DIAPH3: variants seen among roughly 807,000 people sequenced by gnomAD.
DIAPH3 encodes the protein protein diaphanous homolog 3.
In DIAPH3, 117 loss-of-function variants were observed where a neutral mutation model predicts 144.3. The ratio of observed to expected loss-of-function variants is 0.81; its 90% CI spans 0.70 to 0.95. The LOEUF (loss-of-function observed/expected upper bound fraction) is 0.95. DIAPH3 is among the 40% of genes least tolerant of loss of function. The probability of loss-of-function intolerance (pLI) is 0.00; values close to 1 mark genes in which losing one functional copy is unlikely to be tolerated. For synonymous variants in DIAPH3, 519 were observed against 488.9 expected, an observed-to-expected ratio of 1.06 and a Z score of -0.81; for missense variants, 1,421 against 1,412.7, an observed-to-expected ratio of 1.01 and a Z score of -0.09.
chr13:59,669,893 GA>G (rs2032256528), intron 27 of DIAPH3, among the ~76,000 whole-genome samples: 1 of 152,048 alleles, frequency 6.6e-6, no homozygotes, highest in African/African-American at 2.4e-5. Context: ...TTACTCTTCT[GA>G]AACAGTTCTT....
chr13:59,875,637 G>A lies in DIAPH3; in HGVS notation c.2607+3592C>T, dbSNP rs146641962. Among the ~76,000 whole-genome samples, 358 of 152,102 alleles carry A rather than the reference G, an allele frequency of 2.4e-3. 3 individuals are homozygous for A. In the East Asian group the frequency reaches 0.036, roughly 15 times the overall value. ...AAAATTTCTTATGAAGGTTTAATCA[G>A]GGAAAACACTATTTTTGCTCATGAA... On this transcript the variant is annotated intron_variant, in intron 21 of 27. Transcript: ENST00000400324.
chr13:59,894,643 T>C (rs11839838), intron 20 of DIAPH3, among the ~76,000 whole-genome samples: 2,501 of 132,192 alleles, frequency 0.019, 62 homozygotes, highest in East Asian at 0.1. Context: ...AAGAAAAAGA[T>C]TGTCATGAAG....
chr13:59,723,261 T>C (rs748389152), intron 27 of DIAPH3, among the ~76,000 whole-genome samples: 1 of 152,148 alleles, frequency 6.6e-6, no homozygotes, highest in Non-Finnish European at 1.5e-5. Context: ...AGTAGTACAG[T>C]AAGAACTAAG....
chr13:59,814,675 T>C (rs2040669361), intron 24 of DIAPH3, among the ~76,000 whole-genome samples: 3 of 152,210 alleles, frequency 2.0e-5, no homozygotes, highest in African/African-American at 4.8e-5. Context: ...ATAAAGACAA[T>C]TGGCTATAAG....
intron 4 of DIAPH3, among the ~76,000 whole-genome samples, chr13:60,067,402 C>A (rs1313245016): frequency 5.3e-5 from 8 of 152,078 alleles, no homozygotes; most frequent in African/African-American, 1.7e-4. Flanking sequence ...GGTATATATA[C>A]ATATTGGATA....
chr13:59,917,889 CAAAAAAAAAAAAAAAAA>C (rs60792156), intron 18 of DIAPH3, among the ~76,000 whole-genome samples: 2 of 18,642 alleles, frequency 1.1e-4, no homozygotes, highest in South Asian at 6.0e-3. Flanking sequence ...GACTCTGTCT[CAAAAAAAAAAAAAAAAA>C]AAAAAAAAAA....
chr13:59,814,244 T>C lies in DIAPH3; in HGVS notation c.3028-3321A>G, dbSNP rs191460568. On this transcript the variant is annotated intron_variant, in intron 24 of 27. Coordinates refer to ENST00000400324, the MANE Select transcript of DIAPH3 (RefSeq NM_001042517.2). ...TTGCCACACCCTTTTAGCATTCCCATGGGTAATAAAAAGTGAAAATTACTT... is the reference window on the plus strand; with the variant it reads ...TTGCCACACCCTTTTAGCATTCCCACGGGTAATAAAAAGTGAAAATTACTT... 2.3e-3 allele frequency among the ~76,000 whole-genome samples: 350 copies of C among 152,296 alleles called. 1 individual carries two copies. Among genetic ancestry groups the C allele is most frequent in the Admixed American group, 3.8e-3 (58 of 15,292 alleles).
chr13:59,783,053 G>A (rs1156759217), intron 25 of DIAPH3, among the ~76,000 whole-genome samples: 1 of 152,024 alleles, frequency 6.6e-6, no homozygotes, highest in Non-Finnish European at 1.5e-5. Context: ...GAAGTAACAT[G>A]GTCAAATTTC....
chr13:60,116,027 CA>C (rs771659417), intron 2 of DIAPH3, among the ~76,000 whole-genome samples: 1 of 151,960 alleles, frequency 6.6e-6, no homozygotes, highest in Non-Finnish European at 1.5e-5. Flanking sequence ...ACCTGTACTA[CA>C]AAAAGTATAA....
At chr13:60,128,283 A>G (rs2059042304) in intron 2 of DIAPH3, among the ~76,000 whole-genome samples, 1 of 152,114 alleles carries the variant, frequency 6.6e-6, no homozygotes, top group African/African-American at 2.4e-5. Context: ...GTGTATTAGT[A>G]CCATACTTTC....
At chr13:59,902,274 T>G (rs2046479260) in intron 20 of DIAPH3, among the ~76,000 whole-genome samples, 1 of 152,108 alleles carries the variant, frequency 6.6e-6, no homozygotes. Flanking sequence ...TTTGGTGCTG[T>G]TCTTGTGATA....
At chr13:59,947,733 T>A (rs1392388000) in intron 17 of DIAPH3, among the ~76,000 whole-genome samples, 78 of 144,382 alleles carry the variant, frequency 5.4e-4, no homozygotes, top group Non-Finnish European at 6.6e-4. Flanking sequence ...ACTCTGTATT[T>A]AAAAAAAAAA....
At chr13:59,944,967 A>G (rs2048731294) in intron 17 of DIAPH3, among the ~76,000 whole-genome samples, 1 of 152,048 alleles carries the variant, frequency 6.6e-6, no homozygotes, top group Admixed American at 6.6e-5. Flanking sequence ...ACCATCATCA[A>G]CATCTACATA....
chr13:60,040,359 T>C (rs891179037), intron 5 of DIAPH3, among the ~76,000 whole-genome samples: 9 of 151,214 alleles, frequency 6.0e-5, no homozygotes, highest in African/African-American at 9.7e-5. Flanking sequence ...ATGGATAACA[T>C]CATGGATTCC....
In DIAPH3 at chr13:59,666,389, A is replaced by G; in HGVS notation, c.*195T>C. On this transcript the variant is annotated 3_prime_UTR_variant, in exon 28 of 28. Transcript: ENST00000400324. ...AAAAAAAAAAGGATTAAAGCCCGGT[A>G]CAATCTTGAATAAACCAAAACCTCC... The G allele has an allele frequency of 1.8e-6, 1 of 553,220 alleles. No homozygotes were observed. Among genetic ancestry groups the G allele is most frequent in the African/African-American group, 1.9e-5 (1 of 51,414 alleles). The allele number at this position is 553,220 out of a possible 1,614,324, so 34.3% of individuals were successfully genotyped here. A position where few individuals can be genotyped will look rare whatever the true frequency, so the allele number is the denominator to read the frequency against.
intron 4 of DIAPH3, among the ~76,000 whole-genome samples, chr13:60,075,658 C>T (rs750084426): frequency 4.6e-5 from 7 of 152,206 alleles, no homozygotes; most frequent in Admixed American, 2.6e-4. Flanking sequence ...GTGAACCTCA[C>T]TCAAAGAAAT....
At chr13:59,924,206 T>G (rs1460208851) in intron 18 of DIAPH3, among the ~76,000 whole-genome samples, 1 of 152,124 alleles carries the variant, frequency 6.6e-6, no homozygotes, top group Non-Finnish European at 1.5e-5. Context: ...CTCACAGTAA[T>G]TTGGTCAAGA....
chr13:60,010,477 G>C, intron 8 of DIAPH3, 56 bp downstream of exon 8: 1 of 1,471,332 alleles, frequency 6.8e-7, no homozygotes, highest in Non-Finnish European at 9.3e-7. Context: ...AACATTAAAT[G>C]AATCAATCTG....
chr13:59,881,159 A>AT (rs2045011964), intron 20 of DIAPH3, among the ~76,000 whole-genome samples: 1 of 150,952 alleles, frequency 6.6e-6, no homozygotes, highest in Admixed American at 6.6e-5. Context: ...AAAATATATT[A>AT]TATTTTAAGA....
Sources: gnomAD v4.1 joint callset for allele counts (sites outside exome capture counted in the v4.1 genomes callset) on GRCh38, gnomAD v4.1.1 for gene constraint, MANE v1.5 for transcripts, NCBI Gene and HGNC (gene_info 2026-07-23, HGNC 2026-07-21) for gene names.